Variants in ZNF468 observed in about 807,000 individuals in gnomAD.
The protein encoded by ZNF468 is zinc finger protein 468.
ZNF468 carries 8 observed loss-of-function variants against 7.2 expected under a neutral mutation model. That is an observed-to-expected ratio of 1.11 (90% confidence interval 0.65 to 2.01). The LOEUF is 2.01. ZNF468 is among the 30% of genes most tolerant of loss of function. The pLI is 0.00. For synonymous variants in ZNF468, 218 were observed against 214.4 expected (o/e 1.02, Z -0.15); for missense variants, 608 against 626.5 (o/e 0.97, Z 0.31).
intron 2 of ZNF468, among the ~76,000 whole-genome samples, chr19:52,850,385 A>G (rs1285345022): frequency 6.6e-6 from 1 of 152,140 alleles, no homozygotes; most frequent in African/African-American, 2.4e-5. Context: ...CTCTTTATAC[A>G]GGGAAAAATC....
chr19:52,840,916 C>A lies in ZNF468; in HGVS notation c.1378G>T (p.Val460Phe). ...TTGTAAGGTTTCTCTCCAGTATGAA[C>A]TCTCTGATGTTGTGCCAGGTGTGAA... ...RDSHLAQHQR[V>F]HTGEKPYKCN... Residue 460 changes from valine (V) to phenylalanine (F), a missense_variant, in exon 4 of 4, where the codon GTT becomes TTT. Transcript: ENST00000595646. 1 of 1,613,026 alleles carries A rather than the reference C, an allele frequency of 6.2e-7. No homozygotes were observed. The highest frequency in any genetic ancestry group is 8.5e-7 in the Non-Finnish European group (1 of 1,179,702).
At chr19:52,852,142 G>C (rs1340204944) in intron 2 of ZNF468, among the ~76,000 whole-genome samples, 3 of 151,920 alleles carry the variant, frequency 2.0e-5, no homozygotes, top group Non-Finnish European at 2.9e-5. Flanking sequence ...GAGGCAGGTG[G>C]ATCACCTGAG....
chr19:52,847,573 C>A (rs949905764), intron 3 of ZNF468, among the ~76,000 whole-genome samples: 1 of 152,024 alleles, frequency 6.6e-6, no homozygotes, highest in African/African-American at 2.4e-5. Context: ...TGGAATGTCT[C>A]GGTGTAAAGC....
chr19:52,854,063 C>T (rs1202892451), intron 2 of ZNF468, 195 bp downstream of exon 2: 1 of 1,510,014 alleles, frequency 6.6e-7, no homozygotes, highest in Non-Finnish European at 8.8e-7. Flanking sequence ...CTGCCCAGTG[C>T]AGCCTCTTCC....
At chr19:52,851,498 A>G (rs2063389627) in intron 2 of ZNF468, among the ~76,000 whole-genome samples, 1 of 152,036 alleles carries the variant, frequency 6.6e-6, no homozygotes, top group African/African-American at 2.4e-5. Flanking sequence ...AACTGCTTGA[A>G]CTGGGAAGGC....
chr19:52,847,481 C>T (rs2063350301), intron 3 of ZNF468, among the ~76,000 whole-genome samples: 1 of 149,916 alleles, frequency 6.7e-6, no homozygotes, highest in Non-Finnish European at 1.5e-5. Flanking sequence ...AGAGCCTGTG[C>T]TGAGGAGGAG....
Position 52,841,551 on chromosome 19 carries a change from C to T in ZNF468, c.743G>A (p.Cys248Tyr), listed in dbSNP as rs748400365. Reference sequence around the variant, plus strand: ...TCGCTTCTGATTAAAGACCTTGCCACATACATCACATTTACATTGTTTCTC... The same window carrying T: ...TCGCTTCTGATTAAAGACCTTGCCATATACATCACATTTACATTGTTTCTC... The part of the protein sequence containing the change: ...LEEKQCKCDV[C>Y]GKVFNQKRYL... Residue 248 changes from cysteine (C) to tyrosine (Y), a missense_variant, in exon 4 of 4, where the codon TGT (cysteine) becomes TAT (tyrosine). Physicochemically the swap from Cys to Tyr is radical, Grantham distance 194. Coordinates refer to ENST00000595646, the MANE Select transcript of ZNF468 (RefSeq NM_001008801.2). The T allele has an allele frequency of 2.3e-5, 37 of 1,614,120 alleles. 2 individuals carry two copies. In the Middle Eastern group the frequency reaches 4.1e-3, roughly 180 times the overall value.
chr19:52,849,551 A>G (rs990547338), intron 2 of ZNF468: 105 of 277,602 alleles, frequency 3.8e-4, no homozygotes, highest in African/African-American at 1.1e-3. Context: ...GACAGAGCAC[A>G]ACTGATATCT....
chr19:52,853,908 G>T, intron 2 of ZNF468: 2 of 1,304,744 alleles, frequency 1.5e-6, no homozygotes, highest in South Asian at 2.5e-5. Context: ...GACTCCCATT[G>T]GCAGCTGCTC....
chr19:52,856,712 C>T (rs1403889843), intron 1 of ZNF468, among the ~76,000 whole-genome samples: 2 of 147,470 alleles, frequency 1.4e-5, no homozygotes, highest in African/African-American at 2.5e-5. Context: ...CTTCATCTCT[C>T]TGTACATCTA....
chr19:52,838,487 C>T lies in ZNF468; in HGVS notation c.*2238G>A, dbSNP rs2063266422. On this transcript the variant is annotated 3_prime_UTR_variant, in exon 4 of 4. Coordinates refer to ENST00000595646, the MANE Select transcript of ZNF468 (RefSeq NM_001008801.2). ...TTCTATTCAATCAATACTGGCTGTC[C>T]TAGCCAGAACAATGAAATAGCAAAA... is the stretch of plus-strand genomic sequence containing the variant. The T allele has an allele frequency of 6.6e-6, 1 of 152,088 alleles. No homozygotes were observed. The highest frequency in any genetic ancestry group is 2.4e-5 in the African/African-American group (1 of 41,378). The allele number at this position is 152,088 out of a possible 1,614,324, so 9.4% of individuals were successfully genotyped here.
At chr19:52,849,284 G>A (rs950450724) in intron 2 of ZNF468, 71 bp from the exon 3 acceptor site, 12 of 1,606,334 alleles carry the variant, frequency 7.5e-6, no homozygotes, top group African/African-American at 6.7e-5. Flanking sequence ...ATGAGAGGAG[G>A]AGAGAGGGGA....
At position 52,854,113 on chromosome 19, in the gene ZNF468, C is replaced by T. The variant is rs556830852; in HGVS notation, c.15+145G>A. Reference sequence around the variant, plus strand: ...TGGGTCACGAGAGACGGAACCTAAGCGAGATGAGAGGGACTGAAGGAAGGC... The same window carrying T: ...TGGGTCACGAGAGACGGAACCTAAGTGAGATGAGAGGGACTGAAGGAAGGC... On this transcript the variant is annotated intron_variant, in intron 2 of 3. Transcript: ENST00000595646. 3.7e-5 allele frequency: 58 copies of T among 1,569,656 alleles called. 1 individual carries two copies. In the South Asian group the frequency reaches 6.2e-4, roughly 17 times the overall value.
intron 2 of ZNF468, chr19:52,853,727 A>C: frequency 3.0e-6 from 1 of 330,842 alleles, no homozygotes; most frequent in Middle Eastern, 1.2e-3. Flanking sequence ...TTCATGAATT[A>C]TTCATGTCTA....
chr19:52,840,865 C>A lies in ZNF468; in HGVS notation c.1429G>T (p.Gly477Cys), dbSNP rs10419826. ...TGGATTATAAGCGATGATGTCTGAC[C>A]GAAGGTCTTGCCACACTCATTACAC... ...YKCNECGKTF[G>C]QTSSLIIHRR... The change falls in exon 4 of 4, where the codon GGT (glycine) becomes TGT (cysteine). Residue 477 changes from glycine to cysteine, a missense_variant. By Grantham distance (159) the Gly-to-Cys change is radical. Transcript: ENST00000595646. 4.5e-5 allele frequency: 73 copies of A among 1,612,106 alleles called. 1 individual carries two copies. The Admixed American group carries it at 1.1e-3, about 25-fold the overall frequency.
intron 2 of ZNF468, among the ~76,000 whole-genome samples, chr19:52,851,493 C>A (rs1185208410): frequency 2.6e-5 from 4 of 152,072 alleles, no homozygotes; most frequent in Non-Finnish European, 4.4e-5. Flanking sequence ...AGGAAAACTG[C>A]TTGAACTGGG....
intron 2 of ZNF468, among the ~76,000 whole-genome samples, chr19:52,850,077 CAT>C (rs1228833548): frequency 6.6e-6 from 1 of 151,874 alleles, no homozygotes; most frequent in Non-Finnish European, 1.5e-5. Context: ...AAAATATATA[CAT>C]ATGTGTATAT....
chr19:52,842,195 G>C (rs115710495), intron 3 of ZNF468, 44 bp from the exon 4 acceptor site: 1 of 1,444,210 alleles, frequency 6.9e-7, no homozygotes, highest in African/African-American at 1.4e-5. Context: ...AAGTACAGAC[G>C]GTATATAATA....
At chr19:52,851,009 G>A (rs1009662894) in intron 2 of ZNF468, among the ~76,000 whole-genome samples, 13 of 151,966 alleles carry the variant, frequency 8.6e-5, no homozygotes, top group East Asian at 5.8e-4. Context: ...ATGGTGACTC[G>A]TGTCTGTAAT....
Sources: gnomAD v4.1 joint callset for allele counts (sites outside exome capture counted in the v4.1 genomes callset) on GRCh38, gnomAD v4.1.1 for gene constraint, MANE v1.5 for transcripts, NCBI Gene and HGNC (gene_info 2026-07-23, HGNC 2026-07-21) for gene names.